Variants in MOB4 observed in about 807,000 individuals in gnomAD.
The protein encoded by MOB4 is MOB family member 4, phocein.
Under a neutral mutation model 32.2 loss-of-function variants are expected in MOB4, and 4 were observed. That is an observed-to-expected ratio of 0.12 (90% CI 0.06 to 0.28). The LOEUF (loss-of-function observed/expected upper bound fraction) is 0.28, where lower values mean the gene tolerates loss of function less well. Among genes scored for constraint, MOB4 ranks in the 10% least tolerant of loss-of-function variants. The probability of loss-of-function intolerance (pLI) is 1.00; values close to 1 mark genes in which losing one functional copy is unlikely to be tolerated. For missense variants in MOB4, 158 were observed against 271.2 expected, an observed-to-expected ratio of 0.58 and a Z score of 2.93; for synonymous variants, 88 against 88.1, an observed-to-expected ratio of 1.00 and a Z score of 0.01.
Position 197,552,566 on chromosome 2 carries a change from C to T in MOB4, c.*1920C>T, listed in dbSNP as rs572983280. 1.3e-5 allele frequency: 2 copies of T among 152,282 alleles called. No individual in the cohort carries two copies. Among genetic ancestry groups the T allele is most frequent in the Non-Finnish European group, 2.9e-5 (2 of 68,002 alleles). 9.4% of individuals were successfully genotyped at this position (152,282 alleles called of 1,614,324 possible). ...GATTTTTTTTTCTTACTCATTTCAC[C>T]TTCCCTGTACTGTATGTTTGGAATT... On this transcript the variant is annotated 3_prime_UTR_variant, in exon 8 of 8. Transcript: ENST00000323303.
chr2:197,546,125 G>A (rs2086988659), intron 5 of MOB4, among the ~76,000 whole-genome samples: 1 of 152,000 alleles, frequency 6.6e-6, no homozygotes, highest in Admixed American at 6.6e-5. Context: ...GCAGTGGCGC[G>A]ATCTTGGCTC....
At chr2:197,536,078 T>C (rs2086793366) in intron 3 of MOB4, among the ~76,000 whole-genome samples, 1 of 152,036 alleles carries the variant, frequency 6.6e-6, no homozygotes, top group South Asian at 2.1e-4. Context: ...TTTTAATTTT[T>C]TGTAGAGACA....
chr2:197,540,332 A>G lies in MOB4; in HGVS notation c.268-19A>G, dbSNP rs2106128539. 1 of 1,525,892 alleles carries G rather than the reference A, an allele frequency of 6.6e-7. No individual in the cohort carries two copies. 94.5% of individuals were successfully genotyped at this position (1,525,892 alleles called of 1,614,324 possible). Reference sequence around the variant, plus strand: ...TCATTATTATTTTACATATTAAGAAATATAATTATTTTTAACAGAGTGAAT... The same window carrying G: ...TCATTATTATTTTACATATTAAGAAGTATAATTATTTTTAACAGAGTGAAT... On this transcript the variant is annotated intron_variant, in intron 4 of 7. Transcript: ENST00000323303.
At chr2:197,541,647 C>T (rs1362448231) in intron 5 of MOB4, among the ~76,000 whole-genome samples, 2 of 152,180 alleles carry the variant, frequency 1.3e-5, no homozygotes, top group African/African-American at 2.4e-5. Flanking sequence ...CGGCCGGGCG[C>T]GGTGGCTCAC....
Position 197,552,192 on chromosome 2 carries a change from C to G in MOB4, c.*1546C>G, listed in dbSNP as rs1377235975. ...GGCTTTGAACACTGCCCATCAGCTA[C>G]AGTCATTACTGTTCCCCAACCCACA... On this transcript the variant is annotated 3_prime_UTR_variant, in exon 8 of 8. Transcript: ENST00000323303. 2 of 152,314 alleles carry G rather than the reference C, an allele frequency of 1.3e-5. No individual in the cohort carries two copies. The highest frequency in any genetic ancestry group is 2.9e-5 in the Non-Finnish European group (2 of 68,022). The allele number at this position is 152,314 out of a possible 1,614,324, so 9.4% of individuals were successfully genotyped here. A position where few individuals can be genotyped will look rare whatever the true frequency, so the allele number is the denominator to read the frequency against.
At chr2:197,545,050 T>C (rs1351372197) in intron 5 of MOB4, among the ~76,000 whole-genome samples, 4 of 152,350 alleles carry the variant, frequency 2.6e-5, no homozygotes, top group East Asian at 1.9e-4. Flanking sequence ...CTCCTTGATA[T>C]GTAGTTCCCC....
intron 5 of MOB4, among the ~76,000 whole-genome samples, chr2:197,545,624 G>A (rs2106135922): frequency 6.6e-6 from 1 of 152,274 alleles, no homozygotes; most frequent in Middle Eastern, 3.4e-3. Context: ...ATGAAGTACT[G>A]ATTCATACTA....
intron 2 of MOB4, among the ~76,000 whole-genome samples, chr2:197,532,402 A>G (rs1316667251): frequency 6.6e-6 from 1 of 152,210 alleles, no homozygotes; most frequent in Non-Finnish European, 1.5e-5. Context: ...GGGTGGGCCC[A>G]GTGGTTCATG....
intron 2 of MOB4, among the ~76,000 whole-genome samples, chr2:197,526,990 A>G (rs970461168): frequency 3.3e-5 from 5 of 152,036 alleles, no homozygotes; most frequent in Non-Finnish European, 4.4e-5. Flanking sequence ...GAATTTTGCA[A>G]TGTTGCCCAG....
intron 6 of MOB4, among the ~76,000 whole-genome samples, 172 bp from the exon 7 acceptor site, chr2:197,550,103 G>A (rs968702613): frequency 2.0e-5 from 3 of 152,138 alleles, no homozygotes; most frequent in African/African-American, 7.2e-5. Flanking sequence ...AAAGAACACT[G>A]GCCTAGAACT....
rs150591969 is a variant in MOB4, at chr2:197,520,886, C to T, written c.61-2738C>T. ...CAACCTGGCCAACAAAGTGAGACCTCGTCTCTTAAAAAAAAAAAAAAAAAA... is the reference window on the plus strand; with the variant it reads ...CAACCTGGCCAACAAAGTGAGACCTTGTCTCTTAAAAAAAAAAAAAAAAAA... On this transcript the variant is annotated intron_variant, in intron 1 of 7. Coordinates refer to ENST00000323303, the MANE Select transcript of MOB4 (RefSeq NM_015387.5). 8.5e-4 allele frequency among the ~76,000 whole-genome samples: 109 copies of T among 128,536 alleles called. 4 individuals are homozygous for T. In the East Asian group the frequency reaches 0.017, roughly 20 times the overall value. The allele number at this position is 128,536 out of a possible 152,430, so 84.3% of individuals were successfully genotyped here.
intron 2 of MOB4, chr2:197,533,796 C>A: frequency 1.8e-6 from 1 of 552,278 alleles, no homozygotes; most frequent in South Asian, 1.4e-5. Flanking sequence ...TGACTCAGTT[C>A]TTTGCCATGC....
intron 1 of MOB4, among the ~76,000 whole-genome samples, chr2:197,520,284 G>A (rs1021104320): frequency 6.6e-6 from 1 of 150,746 alleles, no homozygotes; most frequent in South Asian, 2.1e-4. Context: ...CTGGGTTTGC[G>A]CCCACCACCA....
At chr2:197,544,536 G>A (rs572894159) in intron 5 of MOB4, among the ~76,000 whole-genome samples, 86 of 152,240 alleles carry the variant, frequency 5.6e-4, no homozygotes, top group African/African-American at 1.5e-3. Context: ...GGCGGATCAC[G>A]AGGTCAGGAG....
intron 1 of MOB4, among the ~76,000 whole-genome samples, chr2:197,517,563 A>T (rs1007153950): frequency 6.6e-6 from 1 of 152,170 alleles, no homozygotes; most frequent in Admixed American, 6.5e-5. Flanking sequence ...TTAATTTTGA[A>T]AGGTTAGAAA....
At chr2:197,531,610 G>T (rs1328314614) in intron 2 of MOB4, among the ~76,000 whole-genome samples, 3 of 152,024 alleles carry the variant, frequency 2.0e-5, no homozygotes, top group East Asian at 1.9e-4. Flanking sequence ...CTGTCGCCCA[G>T]GCTGGAGTGC....
chr2:197,526,780 C>T (rs1241853460), intron 2 of MOB4, among the ~76,000 whole-genome samples: 1 of 152,146 alleles, frequency 6.6e-6, no homozygotes, highest in Non-Finnish European at 1.5e-5. Context: ...TGAATGGTCT[C>T]AGCAGCCTTG....
chr2:197,534,544 G>A (rs893866473), intron 2 of MOB4, among the ~76,000 whole-genome samples: 2 of 152,092 alleles, frequency 1.3e-5, no homozygotes, highest in East Asian at 1.9e-4. Flanking sequence ...AAGCTTTTTT[G>A]TTGTTGTTTT....
intron 1 of MOB4, 143 bp from the exon 2 acceptor site, chr2:197,523,481 A>C (rs928429604): frequency 3.7e-6 from 3 of 820,656 alleles, no homozygotes; most frequent in African/African-American, 3.6e-5. Flanking sequence ...AAGTTGAATA[A>C]AATTTATTTC....
Sources: allele counts gnomAD v4.1 joint callset (sites outside exome capture counted in the v4.1 genomes callset), GRCh38; gene constraint gnomAD v4.1.1; transcripts MANE v1.5; gene names NCBI Gene and HGNC (gene_info 2026-07-23, HGNC 2026-07-21).